ITPRID2: variants seen among roughly 807,000 people sequenced by gnomAD.
The protein encoded by ITPRID2 is ITPR interacting domain containing 2.
A neutral mutation model predicts 124.3 loss-of-function variants in ITPRID2; 60 were observed. The observed-to-expected ratio is 0.48, with a 90% CI of 0.39 to 0.60. The LOEUF is 0.60. ITPRID2 is among the 20% of genes least tolerant of loss of function. ITPRID2 has a pLI of 0.00. For synonymous variants in ITPRID2, 521 were observed against 542.9 expected (o/e 0.96, Z 0.56); for missense variants, 1,553 against 1,512.2 (o/e 1.03, Z -0.45).
Position 181,901,892 on chromosome 2 carries a change from C to T in ITPRID2, c.839C>T (p.Thr280Ile), listed in dbSNP as rs370097897. Residue 280 changes from threonine (T) to isoleucine (I), a missense_variant, in exon 8 of 18, where the codon ACA becomes ATA. By Grantham distance (89) the Thr-to-Ile change is moderately conservative. Coordinates refer to ENST00000431877, the MANE Select transcript of ITPRID2 (RefSeq NM_001130445.3). ...TCCTCAGTGACCTCTAACAAGGAGA[C>T]AGACCCACCTCCACCTTTAACTCGA... ...SMSSVTSNKETDPPPPLTRSN... is the reference protein window; with the variant it reads ...SMSSVTSNKEIDPPPPLTRSN... 1 of 1,613,836 alleles carries T rather than the reference C, an allele frequency of 6.2e-7. No individual in the cohort carries two copies. Among genetic ancestry groups the T allele is most frequent in the Non-Finnish European group, 8.5e-7 (1 of 1,179,900 alleles).
Position 181,902,512 on chromosome 2 carries a change from A to G in ITPRID2, c.1413+46A>G. ...ACTGGTTTCAAGTTGCAGACTAGGAAAAAAAGTACCAAAAATGCTTATAAA... is the reference window on the plus strand; with the variant it reads ...ACTGGTTTCAAGTTGCAGACTAGGAGAAAAAGTACCAAAAATGCTTATAAA... On this transcript the variant is annotated intron_variant, in intron 8 of 17. Transcript: ENST00000431877. The surrounding 1 kb of genome is among the most constrained non-coding windows in gnomAD (Gnocchi z 4.4). 7.3e-7 allele frequency: 1 copy of G among 1,363,526 alleles called. No individual in the cohort carries two copies. The highest frequency in any genetic ancestry group is 9.9e-7 in the Non-Finnish European group (1 of 1,007,614). The allele number at this position is 1,363,526 out of a possible 1,614,324, so 84.5% of individuals were successfully genotyped here.
Position 181,922,033 on chromosome 2 carries a change from G to T in ITPRID2, c.3296G>T (p.Gly1099Val). 6.2e-7 allele frequency: 1 copy of T among 1,614,192 alleles called. No homozygotes were observed. Among genetic ancestry groups the T allele is most frequent in the East Asian group, 2.2e-5 (1 of 44,886 alleles). Residue 1099 changes from glycine (G) to valine (V), a missense_variant, in exon 16 of 18, where the codon GGA (glycine) becomes GTA (valine). Transcript: ENST00000431877. ...LGEMGFEIPP[G>V]ESSESVFSQA... ...GAAATGGGATTTGAAATTCCTCCTG[G>T]AGAAAGCTCAGAATCTGTTTTTTCC...
At chr2:181,904,636 C>T (rs1014397015) in intron 8 of ITPRID2, among the ~76,000 whole-genome samples, 1 of 152,160 alleles carries the variant, frequency 6.6e-6, no homozygotes, top group African/African-American at 2.4e-5. Flanking sequence ...TTTTGGACCT[C>T]TTTCCATGAG....
Position 181,902,293 on chromosome 2 carries a change from G to A in ITPRID2, c.1240G>A (p.Glu414Lys). ...SKLGEESGIV[E>K]SKLDSDFNIS... ...ACTGGGTGAGGAATCTGGTATTGTA[G>A]AATCCAAATTAGATAGTGATTTCAA... Residue 414 changes from glutamate (E) to lysine (K), a missense_variant, in exon 8 of 18, where the codon GAA (glutamate) becomes AAA (lysine). Coordinates refer to ENST00000431877, the MANE Select transcript of ITPRID2 (RefSeq NM_001130445.3). The surrounding 1 kb of genome is among the most constrained non-coding windows in gnomAD (Gnocchi z 4.4). The A allele has an allele frequency of 6.2e-7, 1 of 1,613,860 alleles. No individual in the cohort carries two copies. The highest frequency in any genetic ancestry group is 8.5e-7 in the Non-Finnish European group (1 of 1,179,894).
chr2:181,908,527 G>A (rs1693338868), intron 8 of ITPRID2, among the ~76,000 whole-genome samples: 2 of 152,176 alleles, frequency 1.3e-5, no homozygotes, highest in Admixed American at 1.3e-4. Flanking sequence ...TGTATCTGCT[G>A]CTTTGAAGAA....
Position 181,901,882 on chromosome 2 carries a change from A to G in ITPRID2, c.829A>G (p.Asn277Asp). Reference protein sequence around the residue: ...RIGSMSSVTSNKETDPPPPLT... With the variant: ...RIGSMSSVTSDKETDPPPPLT... Reference sequence around the variant, plus strand: ...TGGAAGTATGTCCTCAGTGACCTCTAACAAGGAGACAGACCCACCTCCACC... The same window carrying G: ...TGGAAGTATGTCCTCAGTGACCTCTGACAAGGAGACAGACCCACCTCCACC... Residue 277 changes from asparagine (N) to aspartate (D), a missense_variant, in exon 8 of 18, where the codon AAC becomes GAC. By Grantham distance (23) the Asn-to-Asp change is conservative. Transcript: ENST00000431877. The G allele has an allele frequency of 1.2e-6, 2 of 1,613,948 alleles. No individual in the cohort carries two copies. The highest frequency in any genetic ancestry group is 2.2e-5 in the South Asian group (2 of 91,074).
At chr2:181,925,195 T>A (rs1357933752) in intron 16 of ITPRID2, among the ~76,000 whole-genome samples, 2 of 152,222 alleles carry the variant, frequency 1.3e-5, no homozygotes, top group Non-Finnish European at 2.9e-5. Flanking sequence ...TAGTGATCAC[T>A]TGTAATAGCT....
chr2:181,918,764 C>T lies in ITPRID2; in HGVS notation c.2875C>T (p.Gln959Ter), dbSNP rs557678473. ...TTATATTGCATTCTAGAATACTTTT[C>T]AGGAGCTCCAGGTAATGAGGCGGAG... is the stretch of plus-strand genomic sequence containing the variant. ...SVLPLYENTF[Q>*]ELQVMRRSLN... Residue 959 changes from glutamine (Q) to a stop codon, truncating the protein, a stop_gained, in exon 13 of 18, where the codon CAG (glutamine) becomes TAG (stop). Coordinates refer to ENST00000431877, the MANE Select transcript of ITPRID2 (RefSeq NM_001130445.3). LOFTEE classifies it high-confidence loss of function. 19 of 1,613,792 alleles carry T rather than the reference C, an allele frequency of 1.2e-5. No individual in the cohort carries two copies. Among genetic ancestry groups the T allele is most frequent in the Non-Finnish European group, 1.6e-5 (19 of 1,179,962 alleles).
Position 181,892,216 on chromosome 2 carries a change from C to CGAG in ITPRID2, c.159_161dup (p.Glu53dup). On this transcript the variant is annotated inframe_insertion, in exon 1 of 18. Coordinates refer to ENST00000431877, the MANE Select transcript of ITPRID2 (RefSeq NM_001130445.3). This position sits in a 1 kb window ranked among gnomAD's most constrained non-coding sequence, Gnocchi z 5.2. ...TGTCCACAGAAGCGACGACGCAGGA[C>CGAG]GAGGAGGAGGACGAGGAGGAGGACC... 6.4e-7 allele frequency: 1 copy of CGAG among 1,551,058 alleles called. No individual in the cohort carries two copies. Among genetic ancestry groups the CGAG allele is most frequent in the Non-Finnish European group, 8.7e-7 (1 of 1,147,150 alleles).
intron 11 of ITPRID2, 108 bp from the exon 12 acceptor site, chr2:181,918,490 C>A: frequency 6.6e-7 from 1 of 1,510,652 alleles, no homozygotes; most frequent in South Asian, 1.4e-5. Flanking sequence ...ATCCTTTTGT[C>A]TTAAAGAGAA....
Position 181,915,239 on chromosome 2 carries a change from G to C in ITPRID2, c.1599G>C (p.Met533Ile). 6.2e-7 allele frequency: 1 copy of C among 1,613,982 alleles called. No homozygotes were observed. The highest frequency in any genetic ancestry group is 8.5e-7 in the Non-Finnish European group (1 of 1,179,952). Residue 533 changes from methionine (M) to isoleucine (I), a missense_variant, in exon 11 of 18, where the codon ATG (methionine) becomes ATC (isoleucine). Met to Ile is a conservative substitution (Grantham distance 10). Transcript: ENST00000431877. ...HLQVQESLQA[M>I]GSSADSCDSE... ...AGGTTCAGGAGTCCTTGCAGGCTATGGGGAGTAGTGCTGATAGTTGTGACA... is the reference window on the plus strand; with the variant it reads ...AGGTTCAGGAGTCCTTGCAGGCTATCGGGAGTAGTGCTGATAGTTGTGACA...
rs1693945960 is a variant in ITPRID2, at chr2:181,915,347, G to T, written c.1707G>T (p.Glu569Asp). 3 of 1,614,016 alleles carry T rather than the reference G, an allele frequency of 1.9e-6. No individual in the cohort carries two copies. Among genetic ancestry groups the T allele is most frequent in the African/African-American group, 1.3e-5 (1 of 74,906 alleles). ...AGCCTTATTTTAATGAATCAGAGGAGGAGTCTCTTGTCCCTCTTCAGAAGG... is the reference window on the plus strand; with the variant it reads ...AGCCTTATTTTAATGAATCAGAGGATGAGTCTCTTGTCCCTCTTCAGAAGG... ...QDQPYFNESE[E>D]ESLVPLQKGL... Residue 569 changes from glutamate (E) to aspartate (D), a missense_variant, in exon 11 of 18, where the codon GAG becomes GAT. Glu to Asp is a conservative substitution (Grantham distance 45). Transcript: ENST00000431877.
intron 9 of ITPRID2, among the ~76,000 whole-genome samples, chr2:181,912,950 A>G (rs1693722356): frequency 6.6e-6 from 1 of 152,248 alleles, no homozygotes; most frequent in Non-Finnish European, 1.5e-5. Context: ...AATTTTTATG[A>G]AAGAATTGTT....
intron 16 of ITPRID2, among the ~76,000 whole-genome samples, chr2:181,924,879 A>G (rs1352757925): frequency 2.0e-5 from 3 of 152,356 alleles, no homozygotes; most frequent in South Asian, 4.1e-4. Flanking sequence ...TGCCCAAGTC[A>G]TCTGTGATGT....
intron 10 of ITPRID2, among the ~76,000 whole-genome samples, 159 bp from the exon 11 acceptor site, chr2:181,915,057 T>C (rs113015367): frequency 0.01 from 1,537 of 152,228 alleles, 28 homozygotes; most frequent in African/African-American, 0.036. Flanking sequence ...AGGAGGGATG[T>C]GGTTGCTGCT....
Position 181,892,361 on chromosome 2 carries a change from G to A in ITPRID2, c.211+84G>A. The A allele has an allele frequency of 7.0e-7, 1 of 1,430,700 alleles. No homozygotes were observed. Among genetic ancestry groups the A allele is most frequent in the East Asian group, 2.5e-5 (1 of 40,136 alleles). 88.6% of individuals were successfully genotyped at this position (1,430,700 alleles called of 1,614,324 possible). A position where few individuals can be genotyped will look rare whatever the true frequency, so the allele number is the denominator to read the frequency against. On this transcript the variant is annotated intron_variant, in intron 1 of 17. Transcript: ENST00000431877. This position sits in a 1 kb window ranked among gnomAD's most constrained non-coding sequence, Gnocchi z 5.2. ...GCCCTGGGCGCCTGCCACGAGTTCT[G>A]GGAGAGCCTCGGGCACGGTAGGCCG...
chr2:181,898,823 A>G lies in ITPRID2; in HGVS notation c.365-57A>G, dbSNP rs1692424270. ...AATTAGATTTCTTGATAATTGTATC[A>G]TAGTAGTTATAGTCCTACTAACAAT... On this transcript the variant is annotated intron_variant, in intron 4 of 17. Coordinates refer to ENST00000431877, the MANE Select transcript of ITPRID2 (RefSeq NM_001130445.3). 5 of 1,154,412 alleles carry G rather than the reference A, an allele frequency of 4.3e-6. No individual in the cohort carries two copies. The East Asian group carries it at 7.0e-5, about 16-fold the overall frequency. 71.5% of individuals were successfully genotyped at this position (1,154,412 alleles called of 1,614,324 possible).
chr2:181,925,232 CATA>C (rs911037228), intron 16 of ITPRID2, among the ~76,000 whole-genome samples: 23 of 152,180 alleles, frequency 1.5e-4, no homozygotes, highest in African/African-American at 5.6e-4. Context: ...TCAGTAAGTG[CATA>C]ATAAGTGGAT....
chr2:181,908,406 C>T (rs1328803558), intron 8 of ITPRID2, among the ~76,000 whole-genome samples: 1 of 152,128 alleles, frequency 6.6e-6, no homozygotes, highest in African/African-American at 2.4e-5. Flanking sequence ...CAGAAAGATA[C>T]TTGAAGTAGA....
Sources: allele counts gnomAD v4.1 joint callset (sites outside exome capture counted in the v4.1 genomes callset), GRCh38; gene constraint gnomAD v4.1.1; non-coding constraint Gnocchi (gnomAD v3.1); transcripts MANE v1.5; gene names NCBI Gene and HGNC (gene_info 2026-07-23, HGNC 2026-07-21).